C1GALT1: variants seen among roughly 807,000 people sequenced by gnomAD.
The protein encoded by C1GALT1 is core 1 synthase, glycoprotein-N-acetylgalactosamine 3-beta-galactosyltransferase 1.
In C1GALT1, 11 loss-of-function variants were observed where a neutral mutation model predicts 31.0. The observed-to-expected ratio is 0.36, with a 90% CI of 0.22 to 0.59. The LOEUF (loss-of-function observed/expected upper bound fraction) is 0.59. Ranked by LOEUF, C1GALT1 falls within the 20% of genes least tolerant of loss-of-function variation. The pLI, the probability that C1GALT1 is intolerant of heterozygous loss-of-function variation, is 0.79. For missense variants in C1GALT1, 424 were observed against 425.2 expected (o/e 1.00, Z 0.03); for synonymous variants, 175 against 143.6 (o/e 1.22, Z -1.56).
intron 1 of C1GALT1, among the ~76,000 whole-genome samples, chr7:7,232,484 GTTTT>G (rs67013405): frequency 0.03 from 4,028 of 132,910 alleles, 160 homozygotes; most frequent in African/African-American, 0.1. Context: ...AAGGGCGTGG[GTTTT>G]TTTTTTTTGT....
rs1033759067 is a variant in C1GALT1 at position 7,247,020 on chromosome 7, C to T, written c.*3293C>T. ...ATTTTATATTGAGGCAGGAAGGGCTCATTAAGTACTAATAAGTACATAATT... is the reference window on the plus strand; with the variant it reads ...ATTTTATATTGAGGCAGGAAGGGCTTATTAAGTACTAATAAGTACATAATT... On this transcript the variant is annotated 3_prime_UTR_variant, in exon 4 of 4. Transcript: ENST00000436587. 4.0e-5 allele frequency: 6 copies of T among 151,856 alleles called. No homozygotes were observed. The highest frequency in any genetic ancestry group is 7.4e-5 in the Non-Finnish European group (5 of 67,970). 9.4% of individuals were successfully genotyped at this position (151,856 alleles called of 1,614,324 possible). A position where few individuals can be genotyped will look rare whatever the true frequency, so the allele number is the denominator to read the frequency against.
chr7:7,168,175 CA>C (rs926123225), intron 2 of C1GALT1, among the ~76,000 whole-genome samples: 14 of 152,138 alleles, frequency 9.2e-5, no homozygotes, highest in Non-Finnish European at 1.8e-4. Context: ...ATATAGAAGT[CA>C]GGGGCATGAC....
chr7:7,192,911 T>A (rs1253319803), intron 1 of C1GALT1, among the ~76,000 whole-genome samples: 6 of 152,278 alleles, frequency 3.9e-5, no homozygotes, highest in African/African-American at 1.2e-4. Flanking sequence ...ATTAGTTGTG[T>A]TGAACATGTT....
At position 7,194,562 on chromosome 7, in the gene C1GALT1, G is replaced by T. The variant is rs539296471; in HGVS notation, c.-18+11742G>T. ...GTGTTATCTTTCTGATATGCTGTTGGATTCGGCTAGCTAGTATTTTGTTGA... is the reference window on the plus strand; with the variant it reads ...GTGTTATCTTTCTGATATGCTGTTGTATTCGGCTAGCTAGTATTTTGTTGA... On this transcript the variant is annotated intron_variant, in intron 1 of 3. Transcript: ENST00000436587. Among the ~76,000 whole-genome samples, 6 of 152,240 alleles carry T rather than the reference G, an allele frequency of 3.9e-5. No individual in the cohort carries two copies. In the South Asian group the frequency reaches 1.2e-3, roughly 32 times the overall value.
chr7:7,239,069 T>G, intron 3 of C1GALT1, 147 bp downstream of exon 3: 1 of 665,794 alleles, frequency 1.5e-6, no homozygotes, highest in Non-Finnish European at 2.5e-6. Flanking sequence ...TATAACAAAA[T>G]AGATGAGAAC....
chr7:7,225,356 G>C (rs1240731450), intron 1 of C1GALT1, among the ~76,000 whole-genome samples: 1 of 152,260 alleles, frequency 6.6e-6, no homozygotes, highest in African/African-American at 2.4e-5. Flanking sequence ...AGCAGGGAAA[G>C]GTACTTGCTT....
intron 1 of C1GALT1, among the ~76,000 whole-genome samples, chr7:7,183,953 T>C (rs548986495): frequency 6.6e-6 from 1 of 152,350 alleles, no homozygotes; most frequent in South Asian, 2.1e-4. Flanking sequence ...AAGTTGGGCA[T>C]AGAACATAGC....
chr7:7,222,041 T>A (rs1782533534), intron 1 of C1GALT1, among the ~76,000 whole-genome samples: 1 of 152,182 alleles, frequency 6.6e-6, no homozygotes, highest in African/African-American at 2.4e-5. Flanking sequence ...TACCCTTGCT[T>A]AGCTTCCTTC....
intron 1 of C1GALT1, among the ~76,000 whole-genome samples, chr7:7,201,389 C>G (rs1385439952): frequency 1.3e-5 from 2 of 152,202 alleles, no homozygotes; most frequent in African/African-American, 4.8e-5. Flanking sequence ...GGGCACCCAG[C>G]TGTATGAGGT....
chr7:7,160,248 A>T (rs1289383359), intron 2 of C1GALT1, among the ~76,000 whole-genome samples: 1 of 152,120 alleles, frequency 6.6e-6, no homozygotes, highest in Non-Finnish European at 1.5e-5. Context: ...CCATTTCTGC[A>T]TATGACCTTT....
Position 7,184,070 on chromosome 7 carries a change from C to T in C1GALT1, c.-18+1250C>T, listed in dbSNP as rs116357136. ...GGTATTTAGATGACAGCTTTTCACC[C>T]TCTTAGGTAAATGGCAGTTGAGCTT... On this transcript the variant is annotated intron_variant, in intron 1 of 3. Transcript: ENST00000436587. 2.6e-3 allele frequency among the ~76,000 whole-genome samples: 390 copies of T among 152,268 alleles called. 1 individual carries two copies. The highest frequency in any genetic ancestry group is 9.1e-3 in the African/African-American group (379 of 41,552).
intron 1 of C1GALT1, among the ~76,000 whole-genome samples, chr7:7,199,779 C>T (rs1353151711): frequency 6.6e-6 from 1 of 152,206 alleles, no homozygotes; most frequent in Non-Finnish European, 1.5e-5. Context: ...GAATTGATCC[C>T]TGTACCATTA....
At chr7:7,161,714 T>C (rs1457891730) in intron 2 of C1GALT1, among the ~76,000 whole-genome samples, 1 of 152,112 alleles carries the variant, frequency 6.6e-6, no homozygotes, top group African/African-American at 2.4e-5. Context: ...AAATACATGT[T>C]TTCTAATACT....
At chr7:7,189,830 C>G (rs1455704299) in intron 1 of C1GALT1, among the ~76,000 whole-genome samples, 1 of 152,012 alleles carries the variant, frequency 6.6e-6, no homozygotes, top group Non-Finnish European at 1.5e-5. Flanking sequence ...ATACTGAAAT[C>G]TTAGAAACAT....
rs556087743 is a variant in C1GALT1 at position 7,192,338 on chromosome 7, A to G, written c.-18+9518A>G. On this transcript the variant is annotated intron_variant, in intron 1 of 3. Transcript: ENST00000436587. ...TTCCCAAAGTCCATTGTATCATTCT[A>G]TGCCTTTGCATCCTCATAGCTTAGT... Among the ~76,000 whole-genome samples, 7 of 152,038 alleles carry G rather than the reference A, an allele frequency of 4.6e-5. No homozygotes were observed. In the East Asian group the frequency reaches 9.7e-4, roughly 21 times the overall value.
At chr7:7,200,976 G>A (rs199615527) in intron 1 of C1GALT1, among the ~76,000 whole-genome samples, 5 of 152,304 alleles carry the variant, frequency 3.3e-5, no homozygotes, top group Non-Finnish European at 7.4e-5. Context: ...TGTTATTACC[G>A]ATTGTCTGAA....
In C1GALT1 at chr7:7,238,172, G is replaced by T; in HGVS notation, c.221-83G>T. On this transcript the variant is annotated intron_variant, in intron 2 of 3. Transcript: ENST00000436587. This position sits in a 1 kb window ranked among gnomAD's most constrained non-coding sequence, Gnocchi z 5.2. ...GGATAAATAGGGACTTTGAAATTAG[G>T]ACAGTGCTTTCTTCAGTATAATTTA... 1 of 1,300,270 alleles carries T rather than the reference G, an allele frequency of 7.7e-7. No homozygotes were observed. 80.5% of individuals were successfully genotyped at this position (1,300,270 alleles called of 1,614,324 possible). A position where few individuals can be genotyped will look rare whatever the true frequency, so the allele number is the denominator to read the frequency against.
chr7:7,172,712 A>C (rs980009127), intron 2 of C1GALT1, among the ~76,000 whole-genome samples: 1 of 152,162 alleles, frequency 6.6e-6, no homozygotes, highest in Non-Finnish European at 1.5e-5. Context: ...GAATTCCCAT[A>C]TATTCCTTAC....
In C1GALT1 at chr7:7,230,720, T is replaced by A. The variant is rs149031477; in HGVS notation, c.-17-3583T>A. Among the ~76,000 whole-genome samples the A allele has an allele frequency of 4.1e-3, 619 of 151,858 alleles. 4 individuals carry two copies. The highest frequency in any genetic ancestry group is 0.014 in the African/African-American group (568 of 41,440). On this transcript the variant is annotated intron_variant, in intron 1 of 3. Transcript: ENST00000436587. ...ATTATATTGTTTTACTGTTTGTTTGTTTAAAGATTATATTAGACATCCTTG... is the reference window on the plus strand; with the variant it reads ...ATTATATTGTTTTACTGTTTGTTTGATTAAAGATTATATTAGACATCCTTG...
Sources: allele counts gnomAD v4.1 joint callset (sites outside exome capture counted in the v4.1 genomes callset), GRCh38; gene constraint gnomAD v4.1.1; non-coding constraint Gnocchi (gnomAD v3.1); transcripts MANE v1.5; gene names NCBI Gene and HGNC (gene_info 2026-07-23, HGNC 2026-07-21).